AUTS2: variants seen among roughly 807,000 people sequenced by gnomAD.
AUTS2 encodes autism susceptibility gene 2 protein.
AUTS2 carries 17 observed loss-of-function variants against 112.4 expected under a neutral mutation model. That is an observed-to-expected ratio of 0.15 (90% CI 0.10 to 0.23). AUTS2 has a LOEUF of 0.23. AUTS2 is among the 10% of genes least tolerant of loss of function. The pLI, the probability that AUTS2 is intolerant of heterozygous loss-of-function variation, is 1.00. For synonymous variants in AUTS2, 751 were observed against 702.7 expected (o/e 1.07, Z -1.09); for missense variants, 1,510 against 1,701.6 (o/e 0.89, Z 1.98).
chr7:70,252,048 G>T (rs956731974), intron 4 of AUTS2, among the ~76,000 whole-genome samples: 3 of 152,042 alleles, frequency 2.0e-5, no homozygotes, highest in Non-Finnish European at 2.9e-5. Context: ...TCTCTTACCT[G>T]ATTACAGTAT....
chr7:70,609,660 C>T (rs1803975659), intron 5 of AUTS2, among the ~76,000 whole-genome samples: 1 of 151,860 alleles, frequency 6.6e-6, no homozygotes, highest in Admixed American at 6.6e-5. Flanking sequence ...ATCTCCTGAC[C>T]TCATGATCTG....
rs182168699 is a variant in AUTS2 at position 69,768,403 on chromosome 7, A to G, written c.310-130883A>G. On this transcript the variant is annotated intron_variant, in intron 1 of 18. Transcript: ENST00000342771. ...ACATTTCAGTTTCATAGATAGTGAA[A>G]AAGACACACAGAACGGAGGTTACCT... 2.2e-4 allele frequency among the ~76,000 whole-genome samples: 33 copies of G among 152,352 alleles called. 1 individual carries two copies. The East Asian group carries it at 6.2e-3, about 28-fold the overall frequency.
At chr7:69,613,561 C>T (rs1055803019) in intron 1 of AUTS2, among the ~76,000 whole-genome samples, 3 of 152,178 alleles carry the variant, frequency 2.0e-5, no homozygotes, top group African/African-American at 7.2e-5. Flanking sequence ...GTTCTAAACC[C>T]TTGCACTCAT....
chr7:69,688,936 G>A (rs1181697006), intron 1 of AUTS2, among the ~76,000 whole-genome samples: 1 of 152,190 alleles, frequency 6.6e-6, no homozygotes, highest in Non-Finnish European at 1.5e-5. Flanking sequence ...AAAATTAGGA[G>A]TTTAAAGGAT....
chr7:70,072,831 G>A (rs1802839068), intron 2 of AUTS2, among the ~76,000 whole-genome samples: 2 of 152,216 alleles, frequency 1.3e-5, no homozygotes, highest in South Asian at 4.1e-4. Context: ...TTGAGGATGA[G>A]AAAGACAAAT....
intron 4 of AUTS2, among the ~76,000 whole-genome samples, chr7:70,215,585 T>C (rs909608785): frequency 2.0e-5 from 3 of 152,134 alleles, no homozygotes; most frequent in Non-Finnish European, 4.4e-5. Context: ...AGGAAAGAAA[T>C]GATGGTAACT....
At chr7:70,367,001 T>A (rs1792602602) in intron 4 of AUTS2, among the ~76,000 whole-genome samples, 1 of 152,132 alleles carries the variant, frequency 6.6e-6, no homozygotes, top group Non-Finnish European at 1.5e-5. Context: ...TACTGATTTA[T>A]GGGCTGGGCA....
chr7:70,162,445 CAAAAAAAAAAAAAAAAAAAAA>C lies in AUTS2; in HGVS notation c.660+27889_660+27909del, dbSNP rs57688959. 6.3e-4 allele frequency among the ~76,000 whole-genome samples: 36 copies of C among 56,700 alleles called. No homozygotes were observed. The East Asian group carries it at 0.019, about 30-fold the overall frequency. 37.2% of individuals were successfully genotyped at this position (56,700 alleles called of 152,430 possible). A position where few individuals can be genotyped will look rare whatever the true frequency, so the allele number is the denominator to read the frequency against. On this transcript the variant is annotated intron_variant, in intron 4 of 18. Transcript: ENST00000342771. Reference sequence around the variant, plus strand: ...TGGGCGACAGAGCGAGACTCCGTCTCAAAAAAAAAAAAAAAAAAAAAAAAAAAAAAAAAAAGAAGTAAAGGA... The same window carrying C: ...TGGGCGACAGAGCGAGACTCCGTCTCAAAAAAAAAAAAAAGAAGTAAAGGA...
chr7:70,540,033 C>CT (rs1353320201), intron 5 of AUTS2, among the ~76,000 whole-genome samples: 1 of 152,130 alleles, frequency 6.6e-6, no homozygotes, highest in African/African-American at 2.4e-5. Flanking sequence ...TTCTTTCTCC[C>CT]TTTTTTTTCC....
chr7:70,407,782 T>C (rs1237666214), intron 4 of AUTS2, among the ~76,000 whole-genome samples: 1 of 151,736 alleles, frequency 6.6e-6, no homozygotes. Flanking sequence ...GGGCCGGGCG[T>C]GATGGCTCAT....
At chr7:70,004,164 A>ATGTATAT (rs1799401988) in intron 2 of AUTS2, among the ~76,000 whole-genome samples, 3 of 132,620 alleles carry the variant, frequency 2.3e-5, no homozygotes, top group East Asian at 4.2e-4. Flanking sequence ...ATATGTGAAT[A>ATGTATAT]TATATAATAT....
At chr7:70,520,176 ATGT>A (rs755498090) in intron 5 of AUTS2, among the ~76,000 whole-genome samples, 12 of 152,068 alleles carry the variant, frequency 7.9e-5, no homozygotes, top group Non-Finnish European at 1.6e-4. Context: ...ATTCAAAGGA[ATGT>A]TTTTTAAAAA....
At chr7:69,650,406 C>T (rs1173102921) in intron 1 of AUTS2, among the ~76,000 whole-genome samples, 1 of 152,182 alleles carries the variant, frequency 6.6e-6, no homozygotes, top group African/African-American at 2.4e-5. Flanking sequence ...TTTCTGTAGC[C>T]TTCCTATCCC....
In AUTS2 at chr7:70,626,822, G is replaced by A. The variant is rs780026800; in HGVS notation, c.691-71747G>A. Among the ~76,000 whole-genome samples, 6 of 152,128 alleles carry A rather than the reference G, an allele frequency of 3.9e-5. No homozygotes were observed. In the East Asian group the frequency reaches 7.7e-4, roughly 20 times the overall value. ...AAGATAATGGCCTCCAGCTGCACTC[G>A]TGTTGCTGCAAAGGACGTGATTTTG... On this transcript the variant is annotated intron_variant, in intron 5 of 18. Transcript: ENST00000342771.
intron 1 of AUTS2, among the ~76,000 whole-genome samples, chr7:69,712,801 T>TGA (rs1364730635): frequency 6.6e-6 from 1 of 152,172 alleles, no homozygotes; most frequent in Non-Finnish European, 1.5e-5. Context: ...CTGCCACAGT[T>TGA]TTCTCAAGTG....
chr7:69,899,492 C>G lies in AUTS2; in HGVS notation c.516C>G (p.Leu172=). 1 of 1,613,958 alleles carries G rather than the reference C, an allele frequency of 6.2e-7. No individual in the cohort carries two copies. The highest frequency in any genetic ancestry group is 1.1e-5 in the South Asian group (1 of 91,064). Residue 172 remains leucine, a synonymous_variant, in exon 2 of 19, where the codon CTC becomes CTG. Coordinates refer to ENST00000342771, the MANE Select transcript of AUTS2 (RefSeq NM_015570.4). Reference sequence around the variant, plus strand: ...AGAGAAAGAAAATGCCGAAGGCACTCAGACAGGTGAGGAAGCTTGGGTTCG... The same window carrying G: ...AGAGAAAGAAAATGCCGAAGGCACTGAGACAGGTGAGGAAGCTTGGGTTCG... ...LGKRKKMPKA[L]RQLKPGQNSC...
At chr7:70,281,396 A>C (rs1788208264) in intron 4 of AUTS2, among the ~76,000 whole-genome samples, 1 of 152,232 alleles carries the variant, frequency 6.6e-6, no homozygotes, top group Non-Finnish European at 1.5e-5. Flanking sequence ...CCCATTCCAC[A>C]GCTTGGCCCA....
chr7:70,540,854 G>A (rs1423141493), intron 5 of AUTS2, among the ~76,000 whole-genome samples: 1 of 152,166 alleles, frequency 6.6e-6, no homozygotes, highest in Non-Finnish European at 1.5e-5. Context: ...ACTCAGGAAA[G>A]GTTGTCTAAT....
chr7:70,760,596 A>G (rs1156728510), intron 6 of AUTS2, among the ~76,000 whole-genome samples: 5 of 152,250 alleles, frequency 3.3e-5, no homozygotes, highest in African/African-American at 1.2e-4. Flanking sequence ...GTGAAGACAC[A>G]TGGAGAGACA....
Sources: gnomAD v4.1 joint callset for allele counts (sites outside exome capture counted in the v4.1 genomes callset) on GRCh38, gnomAD v4.1.1 for gene constraint, MANE v1.5 for transcripts, NCBI Gene and HGNC (gene_info 2026-07-23, HGNC 2026-07-21) for gene names.